The following STPG2 variants were observed in gnomAD, a reference collection of about 807,000 sequenced individuals.
STPG2 encodes sperm tail PG-rich repeat containing 2.
In STPG2, 56 loss-of-function variants were observed where a neutral mutation model predicts 54.2. The ratio of observed to expected loss-of-function variants is 1.03; its 90% CI spans 0.83 to 1.29. The LOEUF (loss-of-function observed/expected upper bound fraction) is 1.29. Among genes scored for constraint, STPG2 ranks in the 50% most tolerant of loss-of-function variants. The pLI is 0.00. For missense variants in STPG2, 596 were observed against 544.9 expected (o/e 1.09, Z -0.93); for synonymous variants, 200 against 181.8 (o/e 1.10, Z -0.81).
chr4:98,133,732 C>T (rs1740062663), intron 2 of STPG2, among the ~76,000 whole-genome samples: 1 of 151,988 alleles, frequency 6.6e-6, no homozygotes, highest in Non-Finnish European at 1.5e-5. Flanking sequence ...ATATCGATCA[C>T]TTCAACAAGG....
At chr4:98,132,360 T>C (rs1016915826) in intron 2 of STPG2, among the ~76,000 whole-genome samples, 3 of 152,056 alleles carry the variant, frequency 2.0e-5, no homozygotes, top group Non-Finnish European at 2.9e-5. Context: ...TTTTTAAATG[T>C]ACTTCATATC....
At chr4:97,720,449 T>C (rs1724414470) in intron 9 of STPG2, among the ~76,000 whole-genome samples, 1 of 151,992 alleles carries the variant, frequency 6.6e-6, no homozygotes, top group Non-Finnish European at 1.5e-5. Context: ...CAGCTCTTTT[T>C]ACTACTTCAT....
chr4:98,037,759 AG>A (rs1736820549), intron 5 of STPG2, among the ~76,000 whole-genome samples: 1 of 152,124 alleles, frequency 6.6e-6, no homozygotes, highest in Non-Finnish European at 1.5e-5. Flanking sequence ...GCTGGATCAA[AG>A]AACAAAATAC....
intron 9 of STPG2, among the ~76,000 whole-genome samples, chr4:97,839,045 T>C (rs1728717156): frequency 6.6e-6 from 1 of 151,620 alleles, no homozygotes; most frequent in African/African-American, 2.4e-5. Context: ...AGTCACTATG[T>C]CTTTGACTTC....
chr4:97,907,944 G>A (rs1731509132), intron 8 of STPG2, among the ~76,000 whole-genome samples: 1 of 152,180 alleles, frequency 6.6e-6, no homozygotes. Flanking sequence ...TGACCATTCA[G>A]GTCATAGGCT....
At chr4:98,007,756 A>G (rs1254414075) in intron 5 of STPG2, among the ~76,000 whole-genome samples, 1 of 143,314 alleles carries the variant, frequency 7.0e-6, no homozygotes, top group African/African-American at 2.6e-5. Flanking sequence ...CCAAACAGAT[A>G]GATATCCTTT....
At chr4:97,659,162 C>G (rs960183067) in intron 10 of STPG2, among the ~76,000 whole-genome samples, 1 of 152,070 alleles carries the variant, frequency 6.6e-6, no homozygotes, top group Non-Finnish European at 1.5e-5. Context: ...AATCACTTCT[C>G]CAGGAATCAA....
chr4:97,830,632 C>T (rs2149111804), intron 9 of STPG2, among the ~76,000 whole-genome samples: 1 of 152,216 alleles, frequency 6.6e-6, no homozygotes, highest in Non-Finnish European at 1.5e-5. Flanking sequence ...GGAGACCCAT[C>T]TCACGTGCAA....
intron 5 of STPG2, among the ~76,000 whole-genome samples, chr4:98,094,125 C>T (rs1197630671): frequency 6.6e-6 from 1 of 152,112 alleles, no homozygotes; most frequent in East Asian, 1.9e-4. Flanking sequence ...CCAGGCAGTG[C>T]AGCTTATAGC....
intron 4 of STPG2, among the ~76,000 whole-genome samples, chr4:97,521,189 G>A (rs1578359532): frequency 6.6e-6 from 1 of 151,998 alleles, no homozygotes; most frequent in South Asian, 2.1e-4. Context: ...AGTGTGTCAT[G>A]TGAAATAGTC....
chr4:97,621,920 T>G (rs1468190154), intron 10 of STPG2, among the ~76,000 whole-genome samples: 1 of 152,178 alleles, frequency 6.6e-6, no homozygotes, highest in Non-Finnish European at 1.5e-5. Context: ...ATCAAAAAAC[T>G]AATCCACCAT....
intron 4 of STPG2, among the ~76,000 whole-genome samples, chr4:97,494,596 G>A (rs756726987): frequency 5.9e-5 from 9 of 151,534 alleles, no homozygotes; most frequent in Non-Finnish European, 1.2e-4. Flanking sequence ...GAGAAGCTAC[G>A]TCCAAGTAGC....
chr4:97,878,828 A>G (rs1408764501), intron 8 of STPG2, among the ~76,000 whole-genome samples: 3 of 152,142 alleles, frequency 2.0e-5, no homozygotes, highest in African/African-American at 4.8e-5. Flanking sequence ...CTCCTCAGAA[A>G]ATGGGTTTTT....
intron 5 of STPG2, among the ~76,000 whole-genome samples, chr4:98,073,682 G>A (rs550157276): frequency 8.5e-5 from 13 of 152,214 alleles, no homozygotes; most frequent in South Asian, 2.1e-4. Flanking sequence ...AGCCAAGATC[G>A]TGCCATTGCA....
chr4:97,835,002 A>T (rs1348527807), intron 9 of STPG2, among the ~76,000 whole-genome samples: 2 of 152,090 alleles, frequency 1.3e-5, no homozygotes, highest in African/African-American at 4.8e-5. Flanking sequence ...GAGGCATTTG[A>T]ATCAGAGTGC....
chr4:97,991,182 C>T (rs947611240), intron 5 of STPG2, among the ~76,000 whole-genome samples: 1 of 151,920 alleles, frequency 6.6e-6, no homozygotes, highest in Non-Finnish European at 1.5e-5. Context: ...GGTTACTTCA[C>T]TTAGATTAAT....
At chr4:97,906,499 C>A (rs1206424940) in intron 8 of STPG2, among the ~76,000 whole-genome samples, 1 of 152,138 alleles carries the variant, frequency 6.6e-6, no homozygotes, top group Non-Finnish European at 1.5e-5. Flanking sequence ...AGAGAGAATC[C>A]TCCCTAACTC....
In STPG2 at chr4:98,047,586, G is replaced by A. The variant is rs114657988; in HGVS notation, c.612+58367C>T. 5.7e-3 allele frequency among the ~76,000 whole-genome samples: 866 copies of A among 152,226 alleles called. 8 individuals are homozygous for A. Among genetic ancestry groups the A allele is most frequent in the African/African-American group, 0.02 (830 of 41,554 alleles). On this transcript the variant is annotated intron_variant, in intron 5 of 10. Coordinates refer to ENST00000295268, the MANE Select transcript of STPG2 (RefSeq NM_174952.3). ...CTCTGTGGTCCTAGAAGACTCACAAGTGTAGAGGCCTATCAGTTCCCACAG... is the reference window on the plus strand; with the variant it reads ...CTCTGTGGTCCTAGAAGACTCACAAATGTAGAGGCCTATCAGTTCCCACAG...
chr4:97,648,885 T>C (rs570278365), intron 10 of STPG2, among the ~76,000 whole-genome samples: 1 of 152,282 alleles, frequency 6.6e-6, no homozygotes, highest in East Asian at 1.9e-4. Flanking sequence ...CAAGTCTTAA[T>C]ACTCAGGTCA....
Sources: gnomAD v4.1 joint callset for allele counts (sites outside exome capture counted in the v4.1 genomes callset) on GRCh38, gnomAD v4.1.1 for gene constraint, MANE v1.5 for transcripts, NCBI Gene and HGNC (gene_info 2026-07-23, HGNC 2026-07-21) for gene names.